The following SCML4 variants were observed in gnomAD, a reference collection of about 807,000 sequenced individuals.
The protein encoded by SCML4 is sex comb on midleg-like protein 4.
Under a neutral mutation model 41.1 loss-of-function variants are expected in SCML4, and 34 were observed. The ratio of observed to expected loss-of-function variants is 0.83; its 90% CI spans 0.63 to 1.10. SCML4 has a LOEUF of 1.10. Ranked by LOEUF, SCML4 falls within the 50% of genes least tolerant of loss-of-function variation. The probability of loss-of-function intolerance (pLI) is 0.00; values close to 1 mark genes in which losing one functional copy is unlikely to be tolerated. For missense variants in SCML4, 522 were observed against 534.1 expected (o/e 0.98, Z 0.22); for synonymous variants, 214 against 220.9 (o/e 0.97, Z 0.28).
rs181847148 is a variant in SCML4, at chr6:107,792,435, T to G, written c.-59-20049A>C. 2.4e-3 allele frequency among the ~76,000 whole-genome samples: 368 copies of G among 152,188 alleles called. 3 individuals are homozygous for G. The highest frequency in any genetic ancestry group is 2.1e-3 in the Non-Finnish European group (145 of 67,986). ...GACCAAATCAATCAGACGAAAACTT[T>G]ATAAGGTAAAAGGGGGCCGGGCGTT... On this transcript the variant is annotated intron_variant, in intron 1 of 7. Transcript: ENST00000369020.
chr6:107,787,828 T>C (rs561234013), intron 1 of SCML4, among the ~76,000 whole-genome samples: 1 of 152,358 alleles, frequency 6.6e-6, no homozygotes, highest in East Asian at 1.9e-4. Flanking sequence ...TTCACACAGA[T>C]TTTCAGGCAT....
intron 5 of SCML4, among the ~76,000 whole-genome samples, chr6:107,724,749 A>G (rs1775783720): frequency 6.6e-6 from 1 of 152,232 alleles, no homozygotes; most frequent in Non-Finnish European, 1.5e-5. Flanking sequence ...ATCTTCACTG[A>G]TTTATTTGTA....
intron 5 of SCML4, among the ~76,000 whole-genome samples, chr6:107,726,654 A>T (rs574394613): frequency 1.3e-5 from 2 of 152,286 alleles, no homozygotes; most frequent in South Asian, 4.1e-4. Context: ...GCCAGTAGGC[A>T]CATCAAAGCT....
the SCML4 span, among the ~76,000 whole-genome samples, chr6:107,837,661 G>A: frequency 6.6e-6 from 1 of 152,168 alleles, no homozygotes; most frequent in South Asian, 2.1e-4. Flanking sequence ...GGATTCTGGA[G>A]TGCAGGGTCT....
upstream of SCML4, among the ~76,000 whole-genome samples, chr6:107,827,489 A>C (rs1353013922): frequency 6.6e-6 from 1 of 152,040 alleles, no homozygotes; most frequent in Non-Finnish European, 1.5e-5. Flanking sequence ...AAAAATCCTA[A>C]ATGTTTTTAA....
intron 1 of SCML4, among the ~76,000 whole-genome samples, chr6:107,808,418 TTTTTTG>T (rs61157013): frequency 1.3e-4 from 20 of 151,610 alleles, no homozygotes; most frequent in Non-Finnish European, 1.9e-4. Context: ...TGCTGGTTTG[TTTTTTG>T]TTTTTGTTTT....
At chr6:107,737,563 T>C (rs1777196379) in intron 5 of SCML4, among the ~76,000 whole-genome samples, 1 of 152,214 alleles carries the variant, frequency 6.6e-6, no homozygotes, top group African/African-American at 2.4e-5. Context: ...ACAGACTTCC[T>C]GTACTGAAAA....
At chr6:107,840,030 GTTA>G in the SCML4 span, among the ~76,000 whole-genome samples, 3 of 152,116 alleles carry the variant, frequency 2.0e-5, no homozygotes. Context: ...ATAAAAATTT[GTTA>G]TTATATATGC....
chr6:107,838,895 A>T, the SCML4 span, among the ~76,000 whole-genome samples: 1 of 152,214 alleles, frequency 6.6e-6, no homozygotes, highest in Non-Finnish European at 1.5e-5. Flanking sequence ...GAAGGGTAGA[A>T]TGAGGCATTC....
At chr6:107,788,319 A>T (rs1583587512) in intron 1 of SCML4, among the ~76,000 whole-genome samples, 1 of 152,198 alleles carries the variant, frequency 6.6e-6, no homozygotes, top group Non-Finnish European at 1.5e-5. Context: ...TGCCAGAGCC[A>T]TGTCACCAGG....
intron 5 of SCML4, among the ~76,000 whole-genome samples, chr6:107,728,951 A>C (rs1388484569): frequency 6.6e-6 from 1 of 152,108 alleles, no homozygotes; most frequent in African/African-American, 2.4e-5. Context: ...TTGAAACTGC[A>C]TTTTCCGCAC....
At chr6:107,763,825 C>T (rs1004018896) in intron 2 of SCML4, among the ~76,000 whole-genome samples, 1 of 152,204 alleles carries the variant, frequency 6.6e-6, no homozygotes, top group African/African-American at 2.4e-5. Flanking sequence ...TGATCTTGGA[C>T]TTTAAATCCT....
At chr6:107,733,795 G>A (rs569879974) in intron 5 of SCML4, among the ~76,000 whole-genome samples, 44 of 152,318 alleles carry the variant, frequency 2.9e-4, no homozygotes, top group African/African-American at 1.0e-3. Flanking sequence ...CCAACCCCTT[G>A]GATCTACTTA....
chr6:107,841,520 G>A, the SCML4 span, among the ~76,000 whole-genome samples: 1 of 152,150 alleles, frequency 6.6e-6, no homozygotes, highest in Non-Finnish European at 1.5e-5. Flanking sequence ...GAGCTATGAA[G>A]CCAGACTGCC....
intron 1 of SCML4, among the ~76,000 whole-genome samples, chr6:107,805,384 A>G (rs1562276945): frequency 6.6e-6 from 1 of 152,252 alleles, no homozygotes; most frequent in African/African-American, 2.4e-5. Flanking sequence ...ATAAATGAGA[A>G]AACATCAGAT....
At chr6:107,815,223 T>C (rs1373960994) in intron 1 of SCML4, among the ~76,000 whole-genome samples, 2 of 152,184 alleles carry the variant, frequency 1.3e-5, no homozygotes, top group Non-Finnish European at 2.9e-5. Context: ...GTGTCAGTGA[T>C]GGTTGTATCT....
At chr6:107,766,720 G>C (rs978265196) in intron 2 of SCML4, among the ~76,000 whole-genome samples, 1 of 152,220 alleles carries the variant, frequency 6.6e-6, no homozygotes, top group Non-Finnish European at 1.5e-5. Flanking sequence ...AGCCCTGGGT[G>C]CATGGGCACT....
chr6:107,812,880 T>TACACACACACACACACAC (rs141469245), intron 1 of SCML4, among the ~76,000 whole-genome samples: 1 of 141,454 alleles, frequency 7.1e-6, no homozygotes, highest in Non-Finnish European at 1.5e-5. Context: ...CACAGACACA[T>TACACACACACACACACAC]ACACACACAC....
intron 7 of SCML4, among the ~76,000 whole-genome samples, chr6:107,706,765 C>A (rs1446340952): frequency 1.3e-5 from 2 of 152,096 alleles, no homozygotes; most frequent in East Asian, 1.9e-4. Context: ...CAGTGAGAAC[C>A]AGGGATGGCA....
Sources: allele counts gnomAD v4.1 joint callset (sites outside exome capture counted in the v4.1 genomes callset), GRCh38; gene constraint gnomAD v4.1.1; transcripts MANE v1.5; gene names NCBI Gene and HGNC (gene_info 2026-07-23, HGNC 2026-07-21).